The following DEPTOR variants were observed in gnomAD, a reference collection of about 807,000 sequenced individuals.
DEPTOR encodes DEP domain-containing mTOR-interacting protein.
A neutral mutation model predicts 41.6 loss-of-function variants in DEPTOR; 41 were observed. The observed-to-expected ratio is 0.98, with a 90% CI of 0.77 to 1.28. The LOEUF (loss-of-function observed/expected upper bound fraction) is 1.28, where lower values mean the gene tolerates loss of function less well. Among genes scored for constraint, DEPTOR ranks in the 50% most tolerant of loss-of-function variants. The pLI, the probability that DEPTOR is intolerant of heterozygous loss-of-function variation, is 0.00. For missense variants in DEPTOR, 514 were observed against 527.9 expected, an observed-to-expected ratio of 0.97 and a Z score of 0.26; for synonymous variants, 195 against 192.3, an observed-to-expected ratio of 1.01 and a Z score of -0.12.
intron 2 of DEPTOR, 60 bp downstream of exon 2, chr8:119,928,638 G>T: frequency 6.5e-7 from 1 of 1,528,196 alleles, no homozygotes; most frequent in South Asian, 1.3e-5. Flanking sequence ...ATCTTTTCAT[G>T]AACATACCCA....
At chr8:120,002,791 A>AAAAATATATATATATAT in intron 5 of DEPTOR, among the ~76,000 whole-genome samples, 186 bp from the exon 6 acceptor site, 1 of 60,670 alleles carries the variant, frequency 1.6e-5, no homozygotes, top group African/African-American at 7.6e-5. Context: ...AAAAAAAAAA[A>AAAAATATATATATATAT]ATATATATAT....
intron 8 of DEPTOR, among the ~76,000 whole-genome samples, chr8:120,030,463 CTGGG>C (rs1284729340): frequency 7.6e-6 from 1 of 131,744 alleles, no homozygotes; most frequent in Non-Finnish European, 1.6e-5. Context: ...ACCATAGACT[CTGGG>C]TGATAATGAT....
intron 8 of DEPTOR, among the ~76,000 whole-genome samples, chr8:120,032,928 T>C (rs145234861): frequency 1.3e-5 from 2 of 152,156 alleles, no homozygotes; most frequent in East Asian, 3.9e-4. Flanking sequence ...TCATAACTGG[T>C]CCAGAAAATG....
intron 3 of DEPTOR, among the ~76,000 whole-genome samples, chr8:119,932,551 A>G (rs1828058494): frequency 6.6e-6 from 1 of 152,196 alleles, no homozygotes; most frequent in African/African-American, 2.4e-5. Context: ...TCCCTTCAGG[A>G]GATGCATTAA....
Position 119,928,529 on chromosome 8 carries a change from G to A in DEPTOR, c.252G>A (p.Thr84=), listed in dbSNP as rs765007914. Residue 84 remains threonine (T), a synonymous_variant, in exon 2 of 9, where the codon ACG becomes ACA. Coordinates refer to ENST00000286234, the MANE Select transcript of DEPTOR (RefSeq NM_022783.4). ...IEHKEASDRE[T]AIKLMQKLAD... ...ACAAAGAGGCTTCTGACAGAGAGAC[G>A]GCAATTAAACTCATGCAGAAATTAG... The A allele has an allele frequency of 1.1e-5, 17 of 1,613,982 alleles. No homozygotes were observed. Among genetic ancestry groups the A allele is most frequent in the African/African-American group, 2.7e-5 (2 of 74,902 alleles).
intron 8 of DEPTOR, among the ~76,000 whole-genome samples, chr8:120,020,063 C>T (rs1029128271): frequency 1.6e-5 from 2 of 128,402 alleles, no homozygotes; most frequent in African/African-American, 6.3e-5. Context: ...CCTGCCAGTT[C>T]TTCTCATTTT....
At chr8:119,876,944 GTC>G (rs749747145) in intron 1 of DEPTOR, among the ~76,000 whole-genome samples, 1 of 152,192 alleles carries the variant, frequency 6.6e-6, no homozygotes, top group Non-Finnish European at 1.5e-5. Flanking sequence ...AGTATTATTG[GTC>G]TCTCTGCATC....
In DEPTOR at chr8:119,921,759, TGTTTGTTTG is replaced by T. The variant is rs1458767895; in HGVS notation, c.123-6640_123-6632del. Among the ~76,000 whole-genome samples, 48 of 146,046 alleles carry T rather than the reference TGTTTGTTTG, an allele frequency of 3.3e-4. 1 individual carries two copies. Among genetic ancestry groups the T allele is most frequent in the African/African-American group, 1.1e-3 (41 of 37,856 alleles). On this transcript the variant is annotated intron_variant, in intron 1 of 8. Coordinates refer to ENST00000286234, the MANE Select transcript of DEPTOR (RefSeq NM_022783.4). ...GGTTCTATTCTGTAGTTTTTTTTTT[TGTTTGTTTG>T]TTTGTTTTTTGAAACAGGGTCTTGC...
intron 1 of DEPTOR, among the ~76,000 whole-genome samples, chr8:119,905,050 C>T (rs1360122864): frequency 6.9e-6 from 1 of 144,306 alleles, no homozygotes; most frequent in Non-Finnish European, 1.5e-5. Flanking sequence ...TCAAGCAGTC[C>T]TCCTGCCTTG....
chr8:119,903,811 G>T (rs1401762180), intron 1 of DEPTOR, among the ~76,000 whole-genome samples: 1 of 152,156 alleles, frequency 6.6e-6, no homozygotes, highest in Non-Finnish European at 1.5e-5. Flanking sequence ...ACAGGACTGT[G>T]CCACCCAAAC....
At chr8:119,991,043 TTTCTTTCTTTC>T (rs1812154276) in intron 4 of DEPTOR, among the ~76,000 whole-genome samples, 1 of 78,776 alleles carries the variant, frequency 1.3e-5, no homozygotes. Context: ...TCTTTCTTTC[TTTCTTTCTTTC>T]TTTCTTTCTT....
Position 120,001,546 on chromosome 8 carries a change from TG to T in DEPTOR, c.628del (p.Asp210ThrfsTer10), listed in dbSNP as rs1554584543. 1 of 1,612,340 alleles carries T rather than the reference TG, an allele frequency of 6.2e-7. No individual in the cohort carries two copies. Among genetic ancestry groups the T allele is most frequent in the Non-Finnish European group, 8.5e-7 (1 of 1,179,220 alleles). ...IQHVSNKHPF[V>X]DSNLLYQFRM... Reference sequence around the variant, plus strand: ...CCAGTGTCCAACAAGCACCCATTTGTGGACAGCAATCTTCTCTACCAGTTCA... The same window carrying T: ...CCAGTGTCCAACAAGCACCCATTTGTGACAGCAATCTTCTCTACCAGTTCA... On this transcript the variant is annotated frameshift_variant, in exon 5 of 9. Transcript: ENST00000286234. LOFTEE classifies it high-confidence loss of function.
chr8:119,914,130 C>A (rs1827781845), intron 1 of DEPTOR, among the ~76,000 whole-genome samples: 1 of 151,512 alleles, frequency 6.6e-6, no homozygotes, highest in African/African-American at 2.4e-5. Flanking sequence ...ACTACAACCT[C>A]CACCTCCTGG....
At chr8:120,008,603 G>T (rs937025042) in intron 7 of DEPTOR, among the ~76,000 whole-genome samples, 1 of 150,326 alleles carries the variant, frequency 6.7e-6, no homozygotes, top group Admixed American at 6.6e-5. Context: ...AGACTTCAAT[G>T]ACGTTGCAGG....
intron 8 of DEPTOR, among the ~76,000 whole-genome samples, chr8:120,015,988 T>A (rs1057336315): frequency 6.6e-6 from 1 of 152,158 alleles, no homozygotes; most frequent in Non-Finnish European, 1.5e-5. Context: ...AATCGCCATG[T>A]TTGTATGGAC....
chr8:119,982,348 T>C (rs907670351), intron 4 of DEPTOR, among the ~76,000 whole-genome samples: 7 of 152,188 alleles, frequency 4.6e-5, no homozygotes, highest in African/African-American at 1.7e-4. Context: ...AGCAGCTTCG[T>C]GGCTTCTGAG....
intron 4 of DEPTOR, among the ~76,000 whole-genome samples, chr8:119,970,981 A>C (rs954475723): frequency 2.6e-5 from 4 of 152,164 alleles, no homozygotes; most frequent in South Asian, 4.1e-4. Context: ...CCGTAATCCC[A>C]GCATTCTGGG....
At chr8:119,881,262 C>T (rs1012509872) in intron 1 of DEPTOR, among the ~76,000 whole-genome samples, 9 of 152,154 alleles carry the variant, frequency 5.9e-5, no homozygotes, top group African/African-American at 2.2e-4. Flanking sequence ...TGGGTCAGGC[C>T]TGTAATCCTG....
intron 1 of DEPTOR, among the ~76,000 whole-genome samples, chr8:119,887,751 C>A (rs1827391535): frequency 6.6e-6 from 1 of 151,544 alleles, no homozygotes; most frequent in Non-Finnish European, 1.5e-5. Context: ...GTGATCCGCC[C>A]ACCTCAGCCT....
Sources: allele counts gnomAD v4.1 joint callset (sites outside exome capture counted in the v4.1 genomes callset), GRCh38; gene constraint gnomAD v4.1.1; transcripts MANE v1.5; gene names NCBI Gene and HGNC (gene_info 2026-07-23, HGNC 2026-07-21).